NREP: variants seen among roughly 807,000 people sequenced by gnomAD.
NREP encodes neuronal regeneration related protein, also known as neuronal regeneration-related protein.
NREP carries 5 observed loss-of-function variants against 8.6 expected under a neutral mutation model. The ratio of observed to expected loss-of-function variants is 0.58; its 90% confidence interval spans 0.30 to 1.22. The LOEUF (loss-of-function observed/expected upper bound fraction) is 1.22. NREP is among the 50% of genes most tolerant of loss of function. The pLI is 0.07. For missense variants in NREP, 86 were observed against 82.5 expected (o/e 1.04, Z -0.17); for synonymous variants, 27 against 28.0 (o/e 0.96, Z 0.11).
chr5:111,757,489 G>T (rs1750800799), upstream of NREP: 1 of 984,930 alleles, frequency 1.0e-6, no homozygotes, highest in Non-Finnish European at 1.2e-6. Context: ...AGCTAATTCT[G>T]ATGGAGCTGG....
chr5:111,888,216 G>A (rs1181259970), intron 2 of NREP, among the ~76,000 whole-genome samples: 1 of 152,184 alleles, frequency 6.6e-6, no homozygotes, highest in East Asian at 1.9e-4. Flanking sequence ...TCTTTAGTAA[G>A]ATGCAATATT....
chr5:111,930,064 C>A (rs1276550518), intron 2 of NREP, among the ~76,000 whole-genome samples: 2 of 152,162 alleles, frequency 1.3e-5, no homozygotes, highest in African/African-American at 4.8e-5. Context: ...TTGGGGTGAG[C>A]AATGCTGAAA....
At chr5:111,869,556 G>T (rs190486675) in intron 2 of NREP, among the ~76,000 whole-genome samples, 61 of 152,280 alleles carry the variant, frequency 4.0e-4, no homozygotes, top group Non-Finnish European at 2.5e-4. Flanking sequence ...CTTGGTTTTA[G>T]TGTAATACAG....
At chr5:111,791,505 G>T (rs568224329) in intron 2 of NREP, among the ~76,000 whole-genome samples, 1 of 152,142 alleles carries the variant, frequency 6.6e-6, no homozygotes, top group East Asian at 1.9e-4. Flanking sequence ...TTGAGACAGG[G>T]TCTCACTCTG....
chr5:111,861,810 C>T (rs1302431674), intron 2 of NREP, among the ~76,000 whole-genome samples: 1 of 151,970 alleles, frequency 6.6e-6, no homozygotes, highest in Non-Finnish European at 1.5e-5. Context: ...TTCTAAATAT[C>T]CCACAAAAAG....
At chr5:111,802,852 G>A (rs1227783040) in intron 2 of NREP, among the ~76,000 whole-genome samples, 1 of 152,210 alleles carries the variant, frequency 6.6e-6, no homozygotes, top group Non-Finnish European at 1.5e-5. Context: ...AAGGGACTAT[G>A]AGCTCCTTAG....
At chr5:111,737,849 C>T (rs893288087) in intron 2 of NREP, among the ~76,000 whole-genome samples, 2 of 151,744 alleles carry the variant, frequency 1.3e-5, no homozygotes, top group Non-Finnish European at 1.5e-5. Context: ...ATTTGTTACA[C>T]TGACCAAGGC....
intron 2 of NREP, among the ~76,000 whole-genome samples, chr5:111,967,658 C>T (rs1266430923): frequency 2.6e-5 from 4 of 151,758 alleles, no homozygotes; most frequent in African/African-American, 9.7e-5. Flanking sequence ...AAGTGAGGAG[C>T]GCCTCTGCCC....
At chr5:111,954,461 T>C (rs1756254007) in intron 2 of NREP, among the ~76,000 whole-genome samples, 1 of 152,178 alleles carries the variant, frequency 6.6e-6, no homozygotes, top group Admixed American at 6.5e-5. Flanking sequence ...TTGATTTTTC[T>C]GAGCTCCAAA....
chr5:111,798,794 T>C (rs1420883270), intron 2 of NREP, among the ~76,000 whole-genome samples: 1 of 151,774 alleles, frequency 6.6e-6, no homozygotes, highest in Non-Finnish European at 1.5e-5. Context: ...TGTGTATACA[T>C]ATATATCACA....
intron 2 of NREP, among the ~76,000 whole-genome samples, chr5:111,837,578 C>T (rs1752925680): frequency 1.3e-5 from 2 of 152,004 alleles, no homozygotes; most frequent in African/African-American, 4.8e-5. Context: ...CTTTATCTTA[C>T]CTTTCTAGTA....
intron 2 of NREP, among the ~76,000 whole-genome samples, chr5:111,928,671 A>C (rs1755456306): frequency 1.3e-5 from 2 of 152,234 alleles, no homozygotes; most frequent in South Asian, 4.1e-4. Context: ...TTTTCCCCTG[A>C]GTAGCTTAGT....
At chr5:111,758,339 G>T, upstream of NREP, 1 of 780,234 alleles carries the variant, frequency 1.3e-6, no homozygotes, top group Non-Finnish European at 1.6e-6. Context: ...CTCCCCCACT[G>T]CCTGCCCGTC....
intron 2 of NREP, among the ~76,000 whole-genome samples, chr5:111,811,359 A>G (rs377495001): frequency 6.2e-4 from 94 of 152,282 alleles, no homozygotes; most frequent in African/African-American, 2.2e-3. Flanking sequence ...CTTGCTAAAT[A>G]TTTTTATGTG....
At chr5:111,760,301 G>A (rs1414182918), upstream of NREP, among the ~76,000 whole-genome samples, 2 of 152,174 alleles carry the variant, frequency 1.3e-5, no homozygotes, top group Non-Finnish European at 1.5e-5. Flanking sequence ...CCTTGATTGA[G>A]AACCACTAGC....
At chr5:111,962,012 G>T (rs1318511543) in intron 2 of NREP, among the ~76,000 whole-genome samples, 1 of 152,132 alleles carries the variant, frequency 6.6e-6, no homozygotes, top group Non-Finnish European at 1.5e-5. Flanking sequence ...TTTCAATTCA[G>T]GCTCCAGTCA....
chr5:111,889,990 A>G (rs1173382477), intron 2 of NREP, among the ~76,000 whole-genome samples: 1 of 152,134 alleles, frequency 6.6e-6, no homozygotes, highest in Non-Finnish European at 1.5e-5. Context: ...ACAAATCACA[A>G]TGGTGGAAGG....
At chr5:111,814,716 G>A (rs889582449) in intron 2 of NREP, among the ~76,000 whole-genome samples, 1 of 152,070 alleles carries the variant, frequency 6.6e-6, no homozygotes, top group African/African-American at 2.4e-5. Context: ...GAGATTTAAA[G>A]AAATAAGCAA....
At chr5:111,959,879 GTATTATATGTATTATACATT>G (rs572758774) in intron 2 of NREP, among the ~76,000 whole-genome samples, 17 of 151,738 alleles carry the variant, frequency 1.1e-4, no homozygotes, top group Non-Finnish European at 1.3e-4. Context: ...TCAACTTCAT[GTATTATATGTATTATACATT>G]TATTATATGT....
Sources: gnomAD v4.1 joint callset for allele counts (sites outside exome capture counted in the v4.1 genomes callset) on GRCh38, gnomAD v4.1.1 for gene constraint, MANE v1.5 for transcripts, NCBI Gene and HGNC (gene_info 2026-07-23, HGNC 2026-07-21) for gene names.